The following SDK1 variants were observed in gnomAD, a reference collection of about 807,000 sequenced individuals.
SDK1 encodes the protein sidekick cell adhesion molecule 1, also known as protein sidekick-1.
SDK1 carries 157 observed loss-of-function variants against 245.5 expected under a neutral mutation model. That is an observed-to-expected ratio of 0.64 (90% confidence interval 0.56 to 0.73). The LOEUF is 0.73. SDK1 is among the 30% of genes least tolerant of loss of function. SDK1 has a pLI of 0.00. For missense variants in SDK1, 3,583 were observed against 3,002.3 expected (o/e 1.19, Z -4.52); for synonymous variants, 1,647 against 1,278.5 (o/e 1.29, Z -6.15).
chr7:3,817,680 G>A (rs1779543481), intron 4 of SDK1, among the ~76,000 whole-genome samples: 1 of 152,286 alleles, frequency 6.6e-6, no homozygotes, highest in South Asian at 2.1e-4. Context: ...TGCCTAGCAA[G>A]GTGGCCCTCC....
chr7:3,307,665 A>G (rs1304062399), intron 1 of SDK1, among the ~76,000 whole-genome samples: 3 of 152,230 alleles, frequency 2.0e-5, no homozygotes, highest in Admixed American at 2.0e-4. Flanking sequence ...TATTGTGGGA[A>G]TGAAAGCAGT....
chr7:3,574,727 T>C lies in SDK1; in HGVS notation c.299-44353T>C, dbSNP rs1485706661. Among the ~76,000 whole-genome samples, 5 of 152,052 alleles carry C rather than the reference T, an allele frequency of 3.3e-5. 1 individual carries two copies. Reference sequence around the variant, plus strand: ...CTGTACTGCCTGGCTTCTTGAAATTTAGAAGGAAAACATTTCATTTAAAGT... The same window carrying C: ...CTGTACTGCCTGGCTTCTTGAAATTCAGAAGGAAAACATTTCATTTAAAGT... On this transcript the variant is annotated intron_variant, in intron 1 of 44. Transcript: ENST00000404826.
chr7:4,213,993 C>T (rs1442906709), intron 38 of SDK1, among the ~76,000 whole-genome samples: 4 of 152,196 alleles, frequency 2.6e-5, no homozygotes, highest in Admixed American at 2.6e-4. Context: ...GCACTGTGCT[C>T]AGCACTTAAC....
At chr7:3,653,525 C>G (rs1215130913) in intron 4 of SDK1, among the ~76,000 whole-genome samples, 2 of 151,942 alleles carry the variant, frequency 1.3e-5, no homozygotes, top group Non-Finnish European at 2.9e-5. Context: ...TGTAAAGCCA[C>G]CAGGGAGGGT....
chr7:4,098,564 G>T (rs2128186236), intron 22 of SDK1, among the ~76,000 whole-genome samples: 1 of 152,262 alleles, frequency 6.6e-6, no homozygotes, highest in East Asian at 1.9e-4. Context: ...TCGTGCTACA[G>T]ATTAGATTAC....
At chr7:3,920,520 C>G (rs531316667) in intron 5 of SDK1, among the ~76,000 whole-genome samples, 34 of 152,084 alleles carry the variant, frequency 2.2e-4, no homozygotes, top group African/African-American at 8.0e-4. Flanking sequence ...GTGATCTTTT[C>G]AGAGCTCAGG....
At chr7:3,432,739 G>C (rs556344618) in intron 1 of SDK1, among the ~76,000 whole-genome samples, 2 of 152,170 alleles carry the variant, frequency 1.3e-5, no homozygotes, top group African/African-American at 4.8e-5. Context: ...GAAATAGATG[G>C]ATACCCACAT....
At chr7:3,942,373 G>A (rs1304270924) in intron 5 of SDK1, among the ~76,000 whole-genome samples, 1 of 152,192 alleles carries the variant, frequency 6.6e-6, no homozygotes, top group African/African-American at 2.4e-5. Context: ...AGGAGCAGGG[G>A]TCCCCAAGGC....
intron 1 of SDK1, among the ~76,000 whole-genome samples, chr7:3,369,889 C>T (rs965281042): frequency 2.6e-5 from 4 of 152,184 alleles, no homozygotes; most frequent in African/African-American, 7.2e-5. Context: ...CAGGGCAGCA[C>T]CTAGCCACTG....
chr7:3,915,319 T>C (rs1055724784), intron 5 of SDK1, among the ~76,000 whole-genome samples: 2 of 152,146 alleles, frequency 1.3e-5, no homozygotes, highest in African/African-American at 4.8e-5. Context: ...TACCCTGATG[T>C]GGTTTGGCTG....
intron 5 of SDK1, among the ~76,000 whole-genome samples, chr7:3,827,882 T>A (rs750206202): frequency 1.3e-5 from 2 of 152,246 alleles, no homozygotes; most frequent in Admixed American, 6.5e-5. Context: ...CCAAGCAGAA[T>A]TGGACTCGTT....
chr7:3,884,059 TG>T (rs1781274402), intron 5 of SDK1, among the ~76,000 whole-genome samples: 1 of 131,956 alleles, frequency 7.6e-6, no homozygotes, highest in African/African-American at 3.6e-5. Context: ...TTTGTTTGTT[TG>T]TTTTTTGTTT....
At chr7:4,247,544 A>G (rs1164104522) in intron 44 of SDK1, among the ~76,000 whole-genome samples, 1 of 152,262 alleles carries the variant, frequency 6.6e-6, no homozygotes, top group African/African-American at 2.4e-5. Flanking sequence ...GCCTTCGAGC[A>G]GGACAGTCTG....
chr7:4,143,602 G>T (rs1779732941), intron 28 of SDK1, among the ~76,000 whole-genome samples: 1 of 152,226 alleles, frequency 6.6e-6, no homozygotes, highest in African/African-American at 2.4e-5. Flanking sequence ...CCCCAAAGGT[G>T]TGTCCTTCCT....
At chr7:3,904,192 C>A (rs899713811) in intron 5 of SDK1, among the ~76,000 whole-genome samples, 6 of 152,140 alleles carry the variant, frequency 3.9e-5, no homozygotes, top group African/African-American at 1.4e-4. Flanking sequence ...ACACAAAGAC[C>A]CACATACTGC....
Position 4,012,108 on chromosome 7 carries a change from G to A in SDK1, c.2293G>A (p.Glu765Lys), listed in dbSNP as rs748567037. The change falls in exon 16 of 45, where the codon GAA becomes AAA. Residue 765 changes from glutamate (E) to lysine (K), a missense_variant. Transcript: ENST00000404826. ...TTTTATTTATAGGTTGATGCTACCT[G>A]AAGAACCACCCAGTGCTCCCCCGAA... ...SAETSRLMLPEEPPSAPPKNI... is the reference protein window; with the variant it reads ...SAETSRLMLPKEPPSAPPKNI... 2.6e-6 allele frequency: 4 copies of A among 1,555,978 alleles called. No homozygotes were observed. Among genetic ancestry groups the A allele is most frequent in the South Asian group, 2.4e-5 (2 of 81,660 alleles).
intron 19 of SDK1, among the ~76,000 whole-genome samples, chr7:4,060,877 A>G (rs2128170748): frequency 6.6e-6 from 1 of 151,990 alleles, no homozygotes; most frequent in Middle Eastern, 3.4e-3. Flanking sequence ...CAGTTTTCCC[A>G]GCACCATTTA....
intron 1 of SDK1, among the ~76,000 whole-genome samples, chr7:3,496,453 T>G (rs1782029727): frequency 1.3e-5 from 2 of 151,964 alleles, no homozygotes; most frequent in Non-Finnish European, 2.9e-5. Context: ...ACGCTGTGTT[T>G]TTAACTTTTT....
chr7:4,268,581 G>A lies in SDK1; in HGVS notation c.*3197G>A. On this transcript the variant is annotated 3_prime_UTR_variant, in exon 45 of 45. Coordinates refer to ENST00000404826, the MANE Select transcript of SDK1 (RefSeq NM_152744.4). ...GGCTCACTCTGTACAGGTCTTCGGA[G>A]GCCGTGTTTGTATCTAACTGTGACT... The A allele has an allele frequency of 1.5e-6, 2 of 1,353,480 alleles. No individual in the cohort carries two copies. Among genetic ancestry groups the A allele is most frequent in the Non-Finnish European group, 9.9e-7 (1 of 1,014,242 alleles). The allele number at this position is 1,353,480 out of a possible 1,614,324, so 83.8% of individuals were successfully genotyped here. A position where few individuals can be genotyped will look rare whatever the true frequency, so the allele number is the denominator to read the frequency against.
Sources: allele counts gnomAD v4.1 joint callset (sites outside exome capture counted in the v4.1 genomes callset), GRCh38; gene constraint gnomAD v4.1.1; transcripts MANE v1.5; gene names NCBI Gene and HGNC (gene_info 2026-07-23, HGNC 2026-07-21).